Variants in MED16 observed in about 807,000 individuals in gnomAD.
MED16 encodes mediator complex subunit 16, also known as mediator of RNA polymerase II transcription subunit 16.
A neutral mutation model predicts 84.4 loss-of-function variants in MED16; 81 were observed. The observed-to-expected ratio is 0.96, with a 90% confidence interval of 0.80 to 1.15. MED16 has a LOEUF of 1.15. Among genes scored for constraint, MED16 ranks in the 50% most tolerant of loss-of-function variants. The pLI, the probability that MED16 is intolerant of heterozygous loss-of-function variation, is 0.00. For missense variants in MED16, 1,585 were observed against 1,245.9 expected, an observed-to-expected ratio of 1.27 and a Z score of -4.10; for synonymous variants, 897 against 552.2, an observed-to-expected ratio of 1.62 and a Z score of -8.76.
chr19:890,891 G>A (rs1409161037), intron 2 of MED16, 72 bp downstream of exon 2: 2 of 1,519,430 alleles, frequency 1.3e-6, no homozygotes, highest in African/African-American at 1.4e-5. Context: ...TCAAGGCAGT[G>A]GGCCGGGCAC....
At chr19:877,618 G>A (rs2036282993) in intron 8 of MED16, among the ~76,000 whole-genome samples, 1 of 151,962 alleles carries the variant, frequency 6.6e-6, no homozygotes, top group Non-Finnish European at 1.5e-5. Flanking sequence ...CCTTCCCCCG[G>A]GGGCGCCTCC....
rs2036495778 is a variant in MED16 at position 884,948 on chromosome 19, C to T, written c.940G>A (p.Glu314Lys). ...SIVECWSLRK[E>K]GLPVNNIFQQ... The stretch of plus-strand genomic sequence containing the variant: ...AAGATGTTGTTCACGGGGAGTCCCT[C>T]CTTGCGCAGGGACCAGCACTCCACG... The change falls in exon 6 of 16, where the codon GAG becomes AAG. Residue 314 changes from glutamate (E) to lysine (K), a missense_variant. Coordinates refer to ENST00000325464, the MANE Select transcript of MED16 (RefSeq NM_005481.3). 6.2e-7 allele frequency: 1 copy of T among 1,609,628 alleles called. No individual in the cohort carries two copies. The highest frequency in any genetic ancestry group is 1.7e-5 in the Admixed American group (1 of 59,810).
chr19:892,066 G>A (rs987457902), intron 1 of MED16, among the ~76,000 whole-genome samples: 2 of 149,762 alleles, frequency 1.3e-5, no homozygotes, highest in African/African-American at 2.5e-5. Flanking sequence ...TGGCCGAGGC[G>A]GGGGCTGAGT....
chr19:875,151 A>T (rs1002174534), intron 10 of MED16, 93 bp downstream of exon 10: 6 of 871,962 alleles, frequency 6.9e-6, no homozygotes, highest in Admixed American at 6.7e-5. Flanking sequence ...GCAACAGAGT[A>T]AGACCCTATC....
rs192840639 is a variant in MED16, at chr19:883,872, G to A, written c.985+1031C>T. On this transcript the variant is annotated intron_variant, in intron 6 of 15. Transcript: ENST00000325464. ...GAATGAGGCCCAACAAGGCCCTGGG[G>A]ACCGGGCGAAGGAACGAGCCCTGGG... 1.3e-3 allele frequency among the ~76,000 whole-genome samples: 192 copies of A among 152,274 alleles called. 2 individuals carry two copies. Among genetic ancestry groups the A allele is most frequent in the African/African-American group, 4.3e-3 (177 of 41,538 alleles).
At chr19:891,477 T>G (rs556315009) in intron 1 of MED16, among the ~76,000 whole-genome samples, 1 of 152,266 alleles carries the variant, frequency 6.6e-6, no homozygotes, top group East Asian at 1.9e-4. Context: ...GCGGAGGGTC[T>G]GCGCTGGCCC....
At chr19:870,997 G>A (rs1028606508) in intron 13 of MED16, 40 bp downstream of exon 13, 10 of 1,506,496 alleles carry the variant, frequency 6.6e-6, no homozygotes, top group African/African-American at 2.8e-5. Context: ...CACGGAGGAA[G>A]GAGTCCTGTG....
intron 6 of MED16, among the ~76,000 whole-genome samples, chr19:883,033 G>C (rs1003914640): frequency 6.6e-6 from 1 of 152,204 alleles, no homozygotes; most frequent in African/African-American, 2.4e-5. Context: ...AGCGCCGGGG[G>C]AGGCAGCTGC....
chr19:889,909 C>A (rs2036599280), intron 3 of MED16, 102 bp from the exon 4 acceptor site: 8 of 1,400,874 alleles, frequency 5.7e-6, no homozygotes, highest in Non-Finnish European at 7.7e-6. Flanking sequence ...GTGGAGAGGT[C>A]TCGGCCCAGG....
chr19:885,679 G>A, intron 5 of MED16, 91 bp downstream of exon 5: 1 of 1,444,814 alleles, frequency 6.9e-7, no homozygotes, highest in Non-Finnish European at 9.4e-7. Flanking sequence ...TTAGCCCGTG[G>A]AGGCCCGCGC....
In MED16 at chr19:875,430, T is replaced by G. The variant is rs368293469; in HGVS notation, c.1585A>C (p.Met529Leu). ...QQVLSTRILA[M>L]KASLCKLSPC... The stretch of plus-strand genomic sequence containing the variant: ...GACAGCTTGCAGAGCGAGGCCTTCA[T>G]GGCCAGGATCCGGGTGGAGAGGACC... Residue 529 changes from methionine to leucine, a missense_variant, in exon 10 of 16, where the codon ATG becomes CTG. Met to Leu is a conservative substitution (Grantham distance 15). Coordinates refer to ENST00000325464, the MANE Select transcript of MED16 (RefSeq NM_005481.3). The G allele has an allele frequency of 1.2e-6, 2 of 1,604,338 alleles. No individual in the cohort carries two copies. The highest frequency in any genetic ancestry group is 1.7e-6 in the Non-Finnish European group (2 of 1,179,646).
intron 4 of MED16, among the ~76,000 whole-genome samples, chr19:887,281 T>C (rs2145249495): frequency 6.6e-6 from 1 of 152,338 alleles, no homozygotes; most frequent in South Asian, 2.1e-4. Flanking sequence ...ACGACTCATC[T>C]GGTGTCCACA....
chr19:868,766 A>ACCCTTGAC, intron 14 of MED16, 97 bp downstream of exon 14: 1 of 1,335,358 alleles, frequency 7.5e-7, no homozygotes, highest in Non-Finnish European at 1.0e-6. Context: ...TCCCTCCACC[A>ACCCTTGAC]CCCTTGACCG....
chr19:886,226 AGGGGCCGCTCAGGCTCATG>A (rs2036524030), intron 4 of MED16, 25 bp from the exon 5 acceptor site: 2 of 1,486,988 alleles, frequency 1.3e-6, no homozygotes, highest in Non-Finnish European at 1.8e-6. Flanking sequence ...GGGAGGGAGG[AGGGGCCGCTCAGGCTCATG>A]GGGGCTGCCC....
chr19:889,537 A>C, intron 4 of MED16, 101 bp downstream of exon 4: 1 of 1,446,578 alleles, frequency 6.9e-7, no homozygotes, highest in Non-Finnish European at 9.3e-7. Context: ...AAGGTCCAAA[A>C]AACCAGGGGA....
intron 8 of MED16, among the ~76,000 whole-genome samples, chr19:877,898 AGCCCCAGCCCCACGT>A (rs2036295164): frequency 6.9e-6 from 1 of 144,260 alleles, no homozygotes; most frequent in Non-Finnish European, 1.5e-5. Context: ...AATGCCCACC[AGCCCCAGCCCCACGT>A]GCCCCAGCAG....
chr19:868,035 T>C lies in MED16; in HGVS notation c.*66A>G. ...GTCCAGGTTCAGCGCTCTCCGCGGGTGAGGCAAGGAAACCGAGGAGACGCC... is the reference window on the plus strand; with the variant it reads ...GTCCAGGTTCAGCGCTCTCCGCGGGCGAGGCAAGGAAACCGAGGAGACGCC... On this transcript the variant is annotated 3_prime_UTR_variant, in exon 16 of 16. Transcript: ENST00000325464. The C allele has an allele frequency of 6.5e-7, 1 of 1,532,402 alleles. No homozygotes were observed. The highest frequency in any genetic ancestry group is 1.4e-5 in the African/African-American group (1 of 72,042). 94.9% of individuals were successfully genotyped at this position (1,532,402 alleles called of 1,614,324 possible). A position where few individuals can be genotyped will look rare whatever the true frequency, so the allele number is the denominator to read the frequency against.
At position 869,036 on chromosome 19, in the gene MED16, G is replaced by A. The variant is rs1459627173; in HGVS notation, c.2316-90C>T. 2.2e-5 allele frequency: 26 copies of A among 1,194,188 alleles called. 1 individual carries two copies. The highest frequency in any genetic ancestry group is 1.2e-4 in the South Asian group (8 of 68,336). 74.0% of individuals were successfully genotyped at this position (1,194,188 alleles called of 1,614,324 possible). A position where few individuals can be genotyped will look rare whatever the true frequency, so the allele number is the denominator to read the frequency against. ...ATCTGTCCACAGGCGGGGGTGGAGG[G>A]AATGGCCGGCCTCACACCATCTGCC... On this transcript the variant is annotated intron_variant, in intron 13 of 15. Coordinates refer to ENST00000325464, the MANE Select transcript of MED16 (RefSeq NM_005481.3).
intron 9 of MED16, among the ~76,000 whole-genome samples, chr19:876,332 C>T (rs916342815): frequency 3.9e-5 from 6 of 152,186 alleles, no homozygotes; most frequent in South Asian, 2.1e-4. Context: ...CCTCCGTATC[C>T]GCTCCCTCCT....
Sources: allele counts gnomAD v4.1 joint callset (sites outside exome capture counted in the v4.1 genomes callset), GRCh38; gene constraint gnomAD v4.1.1; transcripts MANE v1.5; gene names NCBI Gene and HGNC (gene_info 2026-07-23, HGNC 2026-07-21).